Variants in CAMK2G observed in about 807,000 individuals in gnomAD.
CAMK2G encodes calcium/calmodulin dependent protein kinase II gamma.
CAMK2G carries 23 observed loss-of-function variants against 88.7 expected under a neutral mutation model. The observed-to-expected ratio is 0.26, with a 90% CI of 0.19 to 0.37. The LOEUF is 0.37. Ranked by LOEUF, CAMK2G falls within the 10% of genes least tolerant of loss-of-function variation. The pLI is 1.00. For synonymous variants in CAMK2G, 263 were observed against 294.8 expected (o/e 0.89, Z 1.11); for missense variants, 476 against 780.8 (o/e 0.61, Z 4.65).
Position 73,873,001 on chromosome 10 carries a change from ACTT to A in CAMK2G, c.145_147del (p.Lys49del). The stretch of plus-strand genomic sequence containing the variant: ...AGGGAACACTCACCCCGGGCAGACA[ACTT>A]CTTGGTATTGATGATTTTTGCTGCG... On this transcript the variant is annotated inframe_deletion, in exon 2 of 23. Transcript: ENST00000423381. 1 of 1,610,020 alleles carries A rather than the reference ACTT, an allele frequency of 6.2e-7. No individual in the cohort carries two copies. The highest frequency in any genetic ancestry group is 8.5e-7 in the Non-Finnish European group (1 of 1,176,378).
At chr10:73,856,784 C>T (rs779521210) in intron 3 of CAMK2G, among the ~76,000 whole-genome samples, 35 of 152,316 alleles carry the variant, frequency 2.3e-4, no homozygotes, top group Non-Finnish European at 3.4e-4. Context: ...CTTTAAAAAC[C>T]GTGGAAGACA....
At position 73,825,309 on chromosome 10, in the gene CAMK2G, G is replaced by C. The variant is rs373898706; in HGVS notation, c.1125C>G (p.Ala375=). The C allele has an allele frequency of 8.1e-6, 13 of 1,613,922 alleles. No individual in the cohort carries two copies. In the African/African-American group the frequency reaches 1.5e-4, roughly 18 times the overall value. Residue 375 remains alanine (A), a synonymous_variant, in exon 16 of 23, where the codon GCC becomes GCG. Coordinates refer to ENST00000423381, the MANE Select transcript of CAMK2G (RefSeq NM_001367534.1). ...SNNKNSLVSP[A]QEPAPLQTAM... ...CCGTCTGCAAGGGCGCGGGCTCTTG[G>C]GCTGGGCTTACGAGACTGTTTTTGT...
In CAMK2G at chr10:73,842,633, A is replaced by C; in HGVS notation, c.820-92T>G. On this transcript the variant is annotated intron_variant, in intron 10 of 22. Coordinates refer to ENST00000423381, the MANE Select transcript of CAMK2G (RefSeq NM_001367534.1). This position sits in a 1 kb window ranked among gnomAD's most constrained non-coding sequence, Gnocchi z 4.6. ...CCGATACCATGCCCAGGACAGGGTC[A>C]TGCACTCAGCCACCCCAGAGTTGCT... is the stretch of plus-strand genomic sequence containing the variant. 1.1e-6 allele frequency: 1 copy of C among 888,090 alleles called. No individual in the cohort carries two copies. The highest frequency in any genetic ancestry group is 2.4e-5 in the East Asian group (1 of 41,260). The allele number at this position is 888,090 out of a possible 1,614,324, so 55.0% of individuals were successfully genotyped here. A position where few individuals can be genotyped will look rare whatever the true frequency, so the allele number is the denominator to read the frequency against.
At chr10:73,857,085 G>A (rs557055484) in intron 3 of CAMK2G, among the ~76,000 whole-genome samples, 1 of 152,272 alleles carries the variant, frequency 6.6e-6, no homozygotes, top group Non-Finnish European at 1.5e-5. Context: ...CCCCCACCAT[G>A]GGGGCAGGGA....
intron 2 of CAMK2G, among the ~76,000 whole-genome samples, chr10:73,870,566 T>C (rs118131777): frequency 0.01 from 1,582 of 152,264 alleles, 21 homozygotes; most frequent in East Asian, 0.052. Context: ...AACAGCTCTA[T>C]ACCCTCTTTT....
Position 73,874,479 on chromosome 10 carries a change from C to A in CAMK2G, c.-18G>T. On this transcript the variant is annotated 5_prime_UTR_variant, in exon 1 of 23. Transcript: ENST00000423381. ...GTGGCCATGCTGGCGGGCGGGCGGA[C>A]GCGGCGGTGCAGCCCGCGCCGACGT... 6.8e-7 allele frequency: 1 copy of A among 1,479,030 alleles called. No individual in the cohort carries two copies. The highest frequency in any genetic ancestry group is 1.3e-5 in the South Asian group (1 of 76,870). 91.6% of individuals were successfully genotyped at this position (1,479,030 alleles called of 1,614,324 possible). A position where few individuals can be genotyped will look rare whatever the true frequency, so the allele number is the denominator to read the frequency against.
rs570930298 is a variant in CAMK2G at position 73,827,248 on chromosome 10, G to A, written c.1086+841C>T. 1.1e-4 allele frequency among the ~76,000 whole-genome samples: 16 copies of A among 152,312 alleles called. No homozygotes were observed. The South Asian group carries it at 2.1e-3, about 20-fold the overall frequency. ...GTCGCCCAGGCTGGAGCGCAGTGGC[G>A]CGATCTCGGCTCACTGCAAGCTCCG... On this transcript the variant is annotated intron_variant, in intron 15 of 22. Coordinates refer to ENST00000423381, the MANE Select transcript of CAMK2G (RefSeq NM_001367534.1).
At chr10:73,826,139 C>T (rs1463427545) in intron 15 of CAMK2G, among the ~76,000 whole-genome samples, 1 of 152,166 alleles carries the variant, frequency 6.6e-6, no homozygotes, top group Non-Finnish European at 1.5e-5. Context: ...CCTTTCAAAA[C>T]TACATGGTGG....
At chr10:73,818,056 CA>C (rs2086331625) in intron 19 of CAMK2G, among the ~76,000 whole-genome samples, 1 of 152,182 alleles carries the variant, frequency 6.6e-6, no homozygotes, top group Admixed American at 6.5e-5. Context: ...AGCCTGACAG[CA>C]GAATCCAGCT....
chr10:73,825,216 G>T, intron 16 of CAMK2G, 63 bp downstream of exon 16: 1 of 1,159,722 alleles, frequency 8.6e-7, no homozygotes, highest in Non-Finnish European at 1.3e-6. Flanking sequence ...CACAAGAGGA[G>T]GAAGAGGGAA....
intron 3 of CAMK2G, among the ~76,000 whole-genome samples, chr10:73,854,508 C>T (rs1180769618): frequency 6.6e-6 from 1 of 152,168 alleles, no homozygotes; most frequent in Non-Finnish European, 1.5e-5. Flanking sequence ...CCAAAGGCCT[C>T]CCTCGGTTTG....
chr10:73,873,662 C>T, intron 1 of CAMK2G: 2 of 340,260 alleles, frequency 5.9e-6, no homozygotes, highest in Non-Finnish European at 8.1e-6. Context: ...CTCCCCTTCC[C>T]ATGCTATTTT....
chr10:73,873,169 C>T (rs2095898963), intron 1 of CAMK2G, 86 bp from the exon 2 acceptor site: 8 of 1,040,744 alleles, frequency 7.7e-6, no homozygotes, highest in Non-Finnish European at 9.0e-6. Context: ...GATGATGCTC[C>T]CACCACCAGA....
chr10:73,815,373 C>CG lies in CAMK2G; in HGVS notation c.1535-127_1535-126insC, dbSNP rs1438303799. ...CTCCCAGAATCTCCAAGTACCGCCC[C>CG]CCCCCACCCCCGAACCCCTGAACGC... On this transcript the variant is annotated intron_variant, in intron 21 of 22. Transcript: ENST00000423381. 1.6e-4 allele frequency: 105 copies of CG among 656,634 alleles called. 1 individual carries two copies. In the East Asian group the frequency reaches 2.7e-3, roughly 17 times the overall value. The allele number at this position is 656,634 out of a possible 1,614,324, so 40.7% of individuals were successfully genotyped here. A position where few individuals can be genotyped will look rare whatever the true frequency, so the allele number is the denominator to read the frequency against.
At chr10:73,825,165 G>A in intron 16 of CAMK2G, 114 bp downstream of exon 16, 1 of 799,050 alleles carries the variant, frequency 1.3e-6, no homozygotes, top group East Asian at 2.4e-5. Context: ...TCAGTTCTAT[G>A]GGGACCAAGA....
Position 73,815,933 on chromosome 10 carries a change from G to A in CAMK2G, c.1535-686C>T, listed in dbSNP as rs187292253. 2.0e-4 allele frequency: 199 copies of A among 984,838 alleles called. No homozygotes were observed. In the East Asian group the frequency reaches 0.012, roughly 61 times the overall value. 61.0% of individuals were successfully genotyped at this position (984,838 alleles called of 1,614,324 possible). A position where few individuals can be genotyped will look rare whatever the true frequency, so the allele number is the denominator to read the frequency against. On this transcript the variant is annotated intron_variant, in intron 21 of 22. Transcript: ENST00000423381. ...AGTTCAATTCAAATGTTAGACAGGGGCTACATGACACCTTCCTAGTACTAA... is the reference window on the plus strand; with the variant it reads ...AGTTCAATTCAAATGTTAGACAGGGACTACATGACACCTTCCTAGTACTAA...
intron 17 of CAMK2G, among the ~76,000 whole-genome samples, chr10:73,823,329 C>T (rs756912980): frequency 1.3e-5 from 2 of 152,198 alleles, no homozygotes; most frequent in Non-Finnish European, 2.9e-5. Context: ...AATTATCGTG[C>T]CTCAGCCTCC....
intron 3 of CAMK2G, among the ~76,000 whole-genome samples, chr10:73,857,733 G>C (rs181118088): frequency 6.6e-6 from 1 of 152,114 alleles, no homozygotes; most frequent in Non-Finnish European, 1.5e-5. Flanking sequence ...CAGGTAGAAC[G>C]GACTTCATTC....
intron 2 of CAMK2G, among the ~76,000 whole-genome samples, chr10:73,866,355 A>G (rs1444736790): frequency 6.6e-6 from 1 of 151,640 alleles, no homozygotes; most frequent in Admixed American, 6.6e-5. Context: ...ACAGAAGCCT[A>G]CTCCAATGCC....
Sources: allele counts gnomAD v4.1 joint callset (sites outside exome capture counted in the v4.1 genomes callset), GRCh38; gene constraint gnomAD v4.1.1; non-coding constraint Gnocchi (gnomAD v3.1); transcripts MANE v1.5; gene names NCBI Gene and HGNC (gene_info 2026-07-23, HGNC 2026-07-21).